The following SNAPIN variants were observed in gnomAD, a reference collection of about 807,000 sequenced individuals.
The protein encoded by SNAPIN is SNAP associated protein.
SNAPIN carries 16 observed loss-of-function variants against 15.9 expected under a neutral mutation model. That is an observed-to-expected ratio of 1.01 (90% confidence interval 0.68 to 1.53). The LOEUF is 1.53. Ranked by LOEUF, SNAPIN falls within the 40% of genes most tolerant of loss-of-function variation. SNAPIN has a pLI of 0.00. For missense variants in SNAPIN, 186 were observed against 180.1 expected (o/e 1.03, Z -0.19); for synonymous variants, 83 against 76.2 (o/e 1.09, Z -0.46).
intron 3 of SNAPIN, 59 bp from the exon 4 acceptor site, chr1:153,661,141 C>G: frequency 5.8e-6 from 8 of 1,386,392 alleles, no homozygotes; most frequent in Non-Finnish European, 7.2e-6. Context: ...GCACCTAGTT[C>G]ACTTACACTC....
intron 3 of SNAPIN, among the ~76,000 whole-genome samples, chr1:153,660,829 G>A (rs955451457): frequency 8.0e-5 from 12 of 150,216 alleles, no homozygotes. Flanking sequence ...CTGTCACCCA[G>A]GCTAGAGTGC....
rs1278771008 is a variant in SNAPIN at position 153,661,276 on chromosome 1, A to AC, written c.392dup (p.Gly132TrpfsTer32). 4 of 1,612,782 alleles carry AC rather than the reference A, an allele frequency of 2.5e-6. No homozygotes were observed. The highest frequency in any genetic ancestry group is 1.7e-5 in the Admixed American group (1 of 59,858). On this transcript the variant is annotated frameshift_variant, in exon 4 of 4. Coordinates refer to ENST00000368685, the MANE Select transcript of SNAPIN (RefSeq NM_012437.6). LOFTEE classifies it high-confidence loss of function. ...AGAGCAATGCTGGATTCGGGAATTT[A>AC]CCCCCCTGGCTCCCCAGGCAAATAA...
chr1:153,661,278 C>A lies in SNAPIN; in HGVS notation c.388C>A (p.Pro130Thr). 1 of 1,613,314 alleles carries A rather than the reference C, an allele frequency of 6.2e-7. No individual in the cohort carries two copies. The part of the protein sequence containing the change: ...RRAMLDSGIY[P>T]PGSPGK Reference sequence around the variant, plus strand: ...AGCAATGCTGGATTCGGGAATTTACCCCCCTGGCTCCCCAGGCAAATAACA... The same window carrying A: ...AGCAATGCTGGATTCGGGAATTTACACCCCTGGCTCCCCAGGCAAATAACA... The change falls in exon 4 of 4, where the codon CCC (proline) becomes ACC (threonine). Residue 130 changes from proline to threonine, a missense_variant. By Grantham distance (38) the Pro-to-Thr change is conservative (BLOSUM62 -1). Transcript: ENST00000368685.
At chr1:153,660,234 G>A (rs1669112276) in intron 3 of SNAPIN, among the ~76,000 whole-genome samples, 1 of 152,030 alleles carries the variant, frequency 6.6e-6, no homozygotes, top group Non-Finnish European at 1.5e-5. Flanking sequence ...TGTTACCCAG[G>A]CTGGTCCCAA....
In SNAPIN at chr1:153,659,523, G is replaced by C. The variant is rs1411498128; in HGVS notation, c.266G>C (p.Arg89Pro). ...TATGTTAAGAAGCTACTTAATGCCC[G>C]GCGACGCGTTGTCTTGGTTAACAAC... ...DPYVKKLLNA[R>P]RRVVLVNNIL... The change falls in exon 3 of 4, where the codon CGG becomes CCG. Residue 89 changes from arginine to proline, a missense_variant. Physicochemically the swap from Arg to Pro is moderately radical, Grantham distance 103. Transcript: ENST00000368685. 6.2e-7 allele frequency: 1 copy of C among 1,613,886 alleles called. No individual in the cohort carries two copies. The highest frequency in any genetic ancestry group is 8.5e-7 in the Non-Finnish European group (1 of 1,179,926).
intron 3 of SNAPIN, among the ~76,000 whole-genome samples, chr1:153,660,707 C>G (rs555367248): frequency 2.3e-4 from 34 of 148,880 alleles, no homozygotes; most frequent in African/African-American, 7.9e-4. Context: ...AGGCTGTTCT[C>G]AAACTGGGCT....
At chr1:153,660,673 AG>A (rs1468042734) in intron 3 of SNAPIN, among the ~76,000 whole-genome samples, 13 of 150,028 alleles carry the variant, frequency 8.7e-5, no homozygotes, top group South Asian at 4.2e-4. Flanking sequence ...AAAAAAAAAA[AG>A]ACAGGCTATC....
chr1:153,661,023 G>A (rs1329942298), intron 3 of SNAPIN, among the ~76,000 whole-genome samples, 177 bp from the exon 4 acceptor site: 1 of 151,684 alleles, frequency 6.6e-6, no homozygotes, highest in African/African-American at 2.4e-5. Context: ...ACCCGCCTCA[G>A]CCTCCCAAAG....
intron 3 of SNAPIN, 142 bp from the exon 4 acceptor site, chr1:153,661,058 C>A (rs1411340735): frequency 1.7e-6 from 1 of 576,836 alleles, no homozygotes; most frequent in Non-Finnish European, 3.1e-6. Context: ...GTGTGAGCCA[C>A]CATGCCCGGC....
Position 153,661,212 on chromosome 1 carries a change from C to CTA in SNAPIN, c.322_323insTA (p.Arg108LeufsTer3), listed in dbSNP as rs1669147425. 6.2e-7 allele frequency: 1 copy of CTA among 1,613,370 alleles called. No homozygotes were observed. The highest frequency in any genetic ancestry group is 1.7e-5 in the Admixed American group (1 of 59,972). On this transcript the variant is annotated frameshift_variant, in exon 4 of 4. Transcript: ENST00000368685. LOFTEE classifies it high-confidence loss of function. ...CCTTGTCTTGTAGGAACGACTGAGA[C>CTA]GGCTAAACCACAGTGTTGCCAAGGA...
At chr1:153,660,720 A>T (rs567290255) in intron 3 of SNAPIN, among the ~76,000 whole-genome samples, 88 of 151,012 alleles carry the variant, frequency 5.8e-4, no homozygotes, top group Admixed American at 1.3e-3. Flanking sequence ...ACTGGGCTCA[A>T]GTGATCTTCC....
chr1:153,661,513 A>C lies in SNAPIN; in HGVS notation c.*212A>C, dbSNP rs540270247. 2.3e-5 allele frequency: 9 copies of C among 393,098 alleles called. No individual in the cohort carries two copies. Among genetic ancestry groups the C allele is most frequent in the African/African-American group, 1.8e-4 (9 of 49,826 alleles). The allele number at this position is 393,098 out of a possible 1,614,324, so 24.4% of individuals were successfully genotyped here. ...AGAATGAGGTTCCCAAAGGACTTAC[A>C]TTAATTATGGCTCTTGCTTCCTTTC... On this transcript the variant is annotated 3_prime_UTR_variant, in exon 4 of 4. Coordinates refer to ENST00000368685, the MANE Select transcript of SNAPIN (RefSeq NM_012437.6).
rs776729624 is a variant in SNAPIN at position 153,659,609 on chromosome 1, G to C, written c.309+43G>C. The C allele has an allele frequency of 2.9e-6, 4 of 1,387,066 alleles. No individual in the cohort carries two copies. In the Admixed American group the frequency reaches 6.7e-5, roughly 23 times the overall value. 85.9% of individuals were successfully genotyped at this position (1,387,066 alleles called of 1,614,324 possible). ...CAACAGTGATTCTTTGCCCTTTTTT[G>C]TAAGTCCTCAACACAGTGAAAGCCA... On this transcript the variant is annotated intron_variant, in intron 3 of 3. Coordinates refer to ENST00000368685, the MANE Select transcript of SNAPIN (RefSeq NM_012437.6).
At chr1:153,661,034 T>C (rs904367650) in intron 3 of SNAPIN, among the ~76,000 whole-genome samples, 166 bp from the exon 4 acceptor site, 3 of 151,668 alleles carry the variant, frequency 2.0e-5, no homozygotes, top group African/African-American at 7.3e-5. Context: ...CCTCCCAAAG[T>C]GCTGGGATTA....
chr1:153,658,694 C>T (rs1295004874), upstream of SNAPIN: 1 of 1,482,796 alleles, frequency 6.7e-7, no homozygotes, highest in South Asian at 1.4e-5. Flanking sequence ...GGCGCGGCTC[C>T]GGTTCCCGGC....
chr1:153,659,426 T>G (rs767298486), intron 2 of SNAPIN, 22 bp from the exon 3 acceptor site: 3 of 1,577,842 alleles, frequency 1.9e-6, no homozygotes, highest in Non-Finnish European at 1.7e-6. Flanking sequence ...AGATCTTAGC[T>G]GCACCTTACT....
At position 153,658,723 on chromosome 1, in the gene SNAPIN, C is replaced by G; in HGVS notation, c.-21C>G. The stretch of plus-strand genomic sequence containing the variant: ...TCCCGGCGGCCCTCGCGGCAGGTTT[C>G]GGGCTTCAGGACAATTCGTGATGGC... On this transcript the variant is annotated 5_prime_UTR_variant, in exon 1 of 4. Transcript: ENST00000368685. 2 of 1,513,702 alleles carry G rather than the reference C, an allele frequency of 1.3e-6. No individual in the cohort carries two copies. The highest frequency in any genetic ancestry group is 1.8e-6 in the Non-Finnish European group (2 of 1,138,818). The allele number at this position is 1,513,702 out of a possible 1,614,324, so 93.8% of individuals were successfully genotyped here. A position where few individuals can be genotyped will look rare whatever the true frequency, so the allele number is the denominator to read the frequency against.
At chr1:153,659,702 A>T in intron 3 of SNAPIN, 136 bp downstream of exon 3, 1 of 672,146 alleles carries the variant, frequency 1.5e-6, no homozygotes, top group East Asian at 2.6e-5. Flanking sequence ...ATACCTAGGA[A>T]AATTCGTCTC....
intron 1 of SNAPIN, 21 bp from the exon 2 acceptor site, chr1:153,659,116 TA>T (rs775396851): frequency 8.7e-5 from 141 of 1,613,666 alleles, no homozygotes; most frequent in Middle Eastern, 4.9e-4. Flanking sequence ...CCTGACCTTG[TA>T]GGCCTTGTAC....
Sources: gnomAD v4.1 joint callset for allele counts (sites outside exome capture counted in the v4.1 genomes callset) on GRCh38, gnomAD v4.1.1 for gene constraint, MANE v1.5 for transcripts, NCBI Gene and HGNC (gene_info 2026-07-23, HGNC 2026-07-21) for gene names.